Variants in DGKZ observed in about 807,000 individuals in gnomAD.
DGKZ encodes the protein DAG kinase zeta.
DGKZ carries 45 observed loss-of-function variants against 142.5 expected under a neutral mutation model. That is an observed-to-expected ratio of 0.32 (90% confidence interval 0.25 to 0.40). The LOEUF (loss-of-function observed/expected upper bound fraction) is 0.40, where lower values mean the gene tolerates loss of function less well. Among genes scored for constraint, DGKZ ranks in the 10% least tolerant of loss-of-function variants. DGKZ has a pLI of 1.00. For missense variants in DGKZ, 755 were observed against 1,306.5 expected, an observed-to-expected ratio of 0.58 and a Z score of 6.51; for synonymous variants, 442 against 527.0, an observed-to-expected ratio of 0.84 and a Z score of 2.21.
intron 27 of DGKZ, 35 bp from the exon 28 acceptor site, chr11:46,378,956 A>G: frequency 6.6e-7 from 1 of 1,507,276 alleles, no homozygotes; most frequent in Non-Finnish European, 8.8e-7. Context: ...GGGTGGCCCC[A>G]GGAGGTCCAG....
intron 1 of DGKZ, among the ~76,000 whole-genome samples, chr11:46,338,208 G>A (rs1388621544): frequency 2.0e-5 from 3 of 151,976 alleles, no homozygotes; most frequent in Non-Finnish European, 4.4e-5. Flanking sequence ...AACTTAAAAA[G>A]CATTCTTGCC....
At position 46,379,046 on chromosome 11, in the gene DGKZ, G is replaced by A. The variant is rs575190141; in HGVS notation, c.2474G>A (p.Arg825His). 6.3e-6 allele frequency: 10 copies of A among 1,594,986 alleles called. No homozygotes were observed. The highest frequency in any genetic ancestry group is 2.7e-5 in the African/African-American group (2 of 74,690). Residue 825 changes from arginine to histidine, a missense_variant, in exon 28 of 31, where the codon CGC (arginine) becomes CAC (histidine). Around this residue, in one of 8 missense-constraint regions of DGKZ, gnomAD observed 87 missense variants for 112.2 expected, o/e 0.78. Transcript: ENST00000527911. Reference sequence around the variant, plus strand: ...CTCATGCACCGAGACGAGCAGAGTCGCACGCTCCTGCACCACGCAGTCAGC... The same window carrying A: ...CTCATGCACCGAGACGAGCAGAGTCACACGCTCCTGCACCACGCAGTCAGC...
chr11:46,375,653 G>A, intron 20 of DGKZ, 22 bp downstream of exon 20: 1 of 1,537,710 alleles, frequency 6.5e-7, no homozygotes, highest in Non-Finnish European at 8.7e-7. Context: ...CCTGCCACGT[G>A]CCCTGGGTGC....
At chr11:46,345,206 T>G (rs1270842006), upstream of DGKZ, 1 of 1,278,372 alleles carries the variant, frequency 7.8e-7, no homozygotes, top group Non-Finnish European at 9.9e-7. The surrounding 1 kb of genome is among the most constrained non-coding windows in gnomAD (Gnocchi z 4.1). Context: ...GGCTGCCTCC[T>G]GGCTGCTGGT....
At chr11:46,375,991 G>T (rs781756718) in intron 21 of DGKZ, 40 bp downstream of exon 21, 6 of 1,611,652 alleles carry the variant, frequency 3.7e-6, no homozygotes, top group Middle Eastern at 3.4e-4. Context: ...GGCCAGGAGG[G>T]GCTGAAGCAG....
intron 1 of DGKZ, among the ~76,000 whole-genome samples, chr11:46,339,284 C>A (rs1490637667): frequency 5.9e-5 from 9 of 152,232 alleles, no homozygotes; most frequent in Non-Finnish European, 1.0e-4. Flanking sequence ...ATTTAAATAG[C>A]AACAGGATAA....
intron 4 of DGKZ, 177 bp from the exon 5 acceptor site, chr11:46,369,317 G>A (rs1195553372): frequency 2.8e-6 from 2 of 704,400 alleles, no homozygotes; most frequent in East Asian, 2.7e-5. Context: ...TGAGGAGGAG[G>A]CAGAGAGGCA....
chr11:46,376,722 C>A, intron 24 of DGKZ, 158 bp downstream of exon 24: 1 of 990,016 alleles, frequency 1.0e-6, no homozygotes, highest in Non-Finnish European at 1.5e-6. Context: ...CAGCGTGCGG[C>A]CCTGCCCTCC....
chr11:46,358,488 T>G (rs1280939884), intron 1 of DGKZ, among the ~76,000 whole-genome samples: 1 of 152,180 alleles, frequency 6.6e-6, no homozygotes, highest in Non-Finnish European at 1.5e-5. Context: ...TGGCAGACAT[T>G]TTCTCAAAAG....
rs977409802 is a variant in DGKZ, at chr11:46,367,082, C to T, written c.162-209C>T. On this transcript the variant is annotated intron_variant, in intron 1 of 30. Transcript: ENST00000527911. This position sits in a 1 kb window ranked among gnomAD's most constrained non-coding sequence, Gnocchi z 4.1. Reference sequence around the variant, plus strand: ...GCTCTGCCTGGCTGAGGGTTCCCCACTTGGGAACACTCTGGGCAGTACCCT... The same window carrying T: ...GCTCTGCCTGGCTGAGGGTTCCCCATTTGGGAACACTCTGGGCAGTACCCT... 9 of 1,391,446 alleles carry T rather than the reference C, an allele frequency of 6.5e-6. No homozygotes were observed. The highest frequency in any genetic ancestry group is 2.5e-5 in the East Asian group (1 of 40,108). The allele number at this position is 1,391,446 out of a possible 1,614,324, so 86.2% of individuals were successfully genotyped here.
chr11:46,376,223 A>C, intron 22 of DGKZ, 78 bp downstream of exon 22: 1 of 1,604,108 alleles, frequency 6.2e-7, no homozygotes, highest in Non-Finnish European at 8.5e-7. Context: ...TCCCGCAGCC[A>C]GCTCGCCCTG....
intron 1 of DGKZ, among the ~76,000 whole-genome samples, chr11:46,356,416 A>T (rs1224716309): frequency 5.3e-5 from 8 of 151,552 alleles, no homozygotes; most frequent in Non-Finnish European, 1.2e-4. Context: ...CCCTCCACTC[A>T]CTCTTCAAAC....
chr11:46,338,692 A>G (rs1485487748), intron 1 of DGKZ: 1 of 152,058 alleles, frequency 6.6e-6, no homozygotes, highest in Non-Finnish European at 1.5e-5. Context: ...AAGAGAGGTC[A>G]TGCAATGCCC....
intron 14 of DGKZ, 108 bp downstream of exon 14, chr11:46,373,209 C>T: frequency 8.1e-7 from 1 of 1,227,824 alleles, no homozygotes; most frequent in Non-Finnish European, 1.1e-6. Context: ...ATTTCTCCAA[C>T]TTCCACTTCT....
intron 1 of DGKZ, among the ~76,000 whole-genome samples, chr11:46,359,312 GCC>G (rs1230380180): frequency 1.3e-5 from 2 of 151,778 alleles, no homozygotes; most frequent in Non-Finnish European, 2.9e-5. Flanking sequence ...GGGCATGGTG[GCC>G]CATGCCTGTA....
intron 1 of DGKZ, among the ~76,000 whole-genome samples, chr11:46,335,515 G>A (rs1939973969): frequency 6.6e-6 from 1 of 152,136 alleles, no homozygotes; most frequent in South Asian, 2.1e-4. Flanking sequence ...CCCCTCCACA[G>A]CCCAAACAAC....
At chr11:46,361,788 C>A in intron 1 of DGKZ, 1 of 561,388 alleles carries the variant, frequency 1.8e-6, no homozygotes, top group Non-Finnish European at 2.3e-6. Flanking sequence ...AGGGTTGGAT[C>A]CGGGCGGACC....
At chr11:46,344,694 T>C (rs2136386006), upstream of DGKZ, among the ~76,000 whole-genome samples, 1 of 152,272 alleles carries the variant, frequency 6.6e-6, no homozygotes, top group East Asian at 1.9e-4. Context: ...GCTCAGGTGA[T>C]CTGCCCACCT....
At chr11:46,379,068 C>T (rs762698773) in exon 28 of DGKZ, 2 of 1,601,494 alleles carry the variant, frequency 1.2e-6, no homozygotes, top group African/African-American at 1.3e-5. Context: ...ACCACGCAGT[C>T]AGCACTGGCA....
Sources: allele counts gnomAD v4.1 joint callset (sites outside exome capture counted in the v4.1 genomes callset), GRCh38; gene constraint gnomAD v4.1.1; regional missense constraint gnomAD v4.1.1; non-coding constraint Gnocchi (gnomAD v3.1); transcripts MANE v1.5; gene names NCBI Gene and HGNC (gene_info 2026-07-23, HGNC 2026-07-21).